The following ADAM22 variants were observed in gnomAD, a reference collection of about 807,000 sequenced individuals.
ADAM22 encodes ADAM metallopeptidase domain 22.
ADAM22 carries 65 observed loss-of-function variants against 144.6 expected under a neutral mutation model. The ratio of observed to expected loss-of-function variants is 0.45; its 90% CI spans 0.37 to 0.55. The LOEUF is 0.55. Ranked by LOEUF, ADAM22 falls within the 20% of genes least tolerant of loss-of-function variation. The probability of loss-of-function intolerance (pLI) is 0.00; values close to 1 mark genes in which losing one functional copy is unlikely to be tolerated. For synonymous variants in ADAM22, 391 were observed against 412.6 expected, an observed-to-expected ratio of 0.95 and a Z score of 0.63; for missense variants, 974 against 1,184.9, an observed-to-expected ratio of 0.82 and a Z score of 2.61.
intron 3 of ADAM22, among the ~76,000 whole-genome samples, chr7:88,067,159 C>T (rs1811461318): frequency 6.6e-6 from 1 of 151,694 alleles, no homozygotes; most frequent in African/African-American, 2.4e-5. Context: ...AGGAACATGT[C>T]TCCCTCTGTT....
intron 3 of ADAM22, among the ~76,000 whole-genome samples, chr7:88,036,973 A>T (rs982222675): frequency 1.3e-5 from 2 of 152,018 alleles, no homozygotes; most frequent in Non-Finnish European, 2.9e-5. Flanking sequence ...TCTCCATTTA[A>T]CATCTGTCAT....
rs1045147496 is a variant in ADAM22, at chr7:88,200,042, C to T, written c.*3551C>T. On this transcript the variant is annotated 3_prime_UTR_variant, in exon 32 of 32. Coordinates refer to ENST00000413139, the MANE Select transcript of ADAM22 (RefSeq NM_001324418.2). ...CCCTTGCATATCTACATAATTTAAT[C>T]CTGTCTATTGTCCCAGATCTCTTGT... 6.6e-6 allele frequency: 1 copy of T among 152,154 alleles called. No individual in the cohort carries two copies. Among genetic ancestry groups the T allele is most frequent in the African/African-American group, 2.4e-5 (1 of 41,448 alleles). 9.4% of individuals were successfully genotyped at this position (152,154 alleles called of 1,614,324 possible). A position where few individuals can be genotyped will look rare whatever the true frequency, so the allele number is the denominator to read the frequency against.
intron 4 of ADAM22, among the ~76,000 whole-genome samples, chr7:88,089,446 G>A (rs1819277761): frequency 6.6e-6 from 1 of 152,024 alleles, no homozygotes; most frequent in South Asian, 2.1e-4. Flanking sequence ...TAAAATGTGA[G>A]CAACAGCCAC....
intron 24 of ADAM22, among the ~76,000 whole-genome samples, chr7:88,167,156 A>C (rs1029090475): frequency 1.3e-5 from 2 of 152,296 alleles, no homozygotes; most frequent in East Asian, 3.9e-4. Flanking sequence ...TCTGATGTAT[A>C]AAAGGATGCC....
At chr7:87,992,241 G>A (rs1444896708) in intron 3 of ADAM22, among the ~76,000 whole-genome samples, 1 of 152,184 alleles carries the variant, frequency 6.6e-6, no homozygotes, top group African/African-American at 2.4e-5. Context: ...GAAAGAGATG[G>A]AACAAGGATA....
At chr7:88,128,822 C>A in intron 9 of ADAM22, 146 bp downstream of exon 9, 1 of 569,378 alleles carries the variant, frequency 1.8e-6, no homozygotes, top group South Asian at 2.5e-5. Context: ...TAACTAGCAA[C>A]AACCTGCAAT....
intron 31 of ADAM22, among the ~76,000 whole-genome samples, chr7:88,195,493 G>A (rs1198704321): frequency 6.6e-6 from 1 of 151,994 alleles, no homozygotes; most frequent in African/African-American, 2.4e-5. Flanking sequence ...CAGCTTGTGA[G>A]AGAGAACCTT....
At position 88,126,703 on chromosome 7, in the gene ADAM22, G is replaced by A. The variant is rs567240397; in HGVS notation, c.678+1044G>A. 2.6e-5 allele frequency among the ~76,000 whole-genome samples: 4 copies of A among 151,994 alleles called. No homozygotes were observed. The East Asian group carries it at 7.7e-4, about 29-fold the overall frequency. On this transcript the variant is annotated intron_variant, in intron 8 of 31. Coordinates refer to ENST00000413139, the MANE Select transcript of ADAM22 (RefSeq NM_001324418.2). ...TCAGAATATTTACATTATACTTAGT[G>A]TTTTAGCATCCCTAATTCAAAAATT...
chr7:87,974,600 A>G (rs778214612), intron 2 of ADAM22, among the ~76,000 whole-genome samples: 5 of 152,324 alleles, frequency 3.3e-5, no homozygotes, highest in African/African-American at 4.8e-5. Flanking sequence ...TACTGGTGCA[A>G]TGAACTCATT....
chr7:88,108,527 G>A (rs1825109016), intron 5 of ADAM22, among the ~76,000 whole-genome samples: 1 of 151,986 alleles, frequency 6.6e-6, no homozygotes, highest in East Asian at 1.9e-4. Context: ...TCAGGAGTTC[G>A]AGACCAGCCC....
chr7:88,178,324 C>G (rs1199093558), intron 26 of ADAM22, among the ~76,000 whole-genome samples: 1 of 152,118 alleles, frequency 6.6e-6, no homozygotes, highest in Non-Finnish European at 1.5e-5. Flanking sequence ...ACATGTTCCA[C>G]TGAACAGTTA....
At chr7:88,178,378 C>T (rs951252006) in intron 26 of ADAM22, among the ~76,000 whole-genome samples, 19 of 152,008 alleles carry the variant, frequency 1.2e-4, no homozygotes, top group African/African-American at 4.1e-4. Flanking sequence ...TCCATTTCTT[C>T]GTATTTCTGT....
intron 3 of ADAM22, among the ~76,000 whole-genome samples, chr7:87,981,060 A>C (rs749695024): frequency 6.6e-6 from 1 of 152,056 alleles, no homozygotes; most frequent in Admixed American, 6.5e-5. Context: ...TTTCTTGTAC[A>C]TCTCCTGTTC....
intron 30 of ADAM22, among the ~76,000 whole-genome samples, chr7:88,187,032 A>G (rs1321187013): frequency 5.9e-5 from 9 of 152,232 alleles, no homozygotes; most frequent in Non-Finnish European, 1.2e-4. Flanking sequence ...AAGAAGCACT[A>G]TTAACCTGAA....
chr7:88,025,470 A>G (rs909083980), intron 3 of ADAM22, among the ~76,000 whole-genome samples: 6 of 152,050 alleles, frequency 3.9e-5, no homozygotes, highest in Non-Finnish European at 5.9e-5. Flanking sequence ...GAGATTCTCT[A>G]ATATTTTGTT....
At chr7:87,964,607 A>T in intron 2 of ADAM22, 1 of 419,634 alleles carries the variant, frequency 2.4e-6, no homozygotes, top group Non-Finnish European at 4.6e-6. Flanking sequence ...GTGTTTGAAA[A>T]ATTGTACTCA....
chr7:88,194,346 G>C (rs1850231583), intron 31 of ADAM22, among the ~76,000 whole-genome samples: 1 of 152,162 alleles, frequency 6.6e-6, no homozygotes, highest in Non-Finnish European at 1.5e-5. Context: ...GCCCTGGGCT[G>C]AGCAGGTGAC....
chr7:88,060,496 C>T (rs907244737), intron 3 of ADAM22, among the ~76,000 whole-genome samples: 3 of 152,034 alleles, frequency 2.0e-5, no homozygotes, highest in African/African-American at 4.8e-5. Context: ...TTTGGCTGGG[C>T]GCAGTGGCTC....
chr7:87,950,407 C>A (rs1194064553), intron 2 of ADAM22, among the ~76,000 whole-genome samples: 2 of 146,050 alleles, frequency 1.4e-5, no homozygotes, highest in Admixed American at 6.9e-5. Flanking sequence ...TTTGTTCTTG[C>A]CATAGTTTAC....
Sources: gnomAD v4.1 joint callset for allele counts (sites outside exome capture counted in the v4.1 genomes callset) on GRCh38, gnomAD v4.1.1 for gene constraint, MANE v1.5 for transcripts, NCBI Gene and HGNC (gene_info 2026-07-23, HGNC 2026-07-21) for gene names.